The following EYS variants were observed in gnomAD, a reference collection of about 807,000 sequenced individuals.
EYS encodes protein eyes shut homolog.
In EYS, 250 loss-of-function variants were observed where a neutral mutation model predicts 282.1. The observed-to-expected ratio is 0.89, with a 90% CI of 0.80 to 0.98. EYS has a LOEUF of 0.98. Ranked by LOEUF, EYS falls within the 50% of genes least tolerant of loss-of-function variation. The probability of loss-of-function intolerance (pLI) is 0.00; values close to 1 mark genes in which losing one functional copy is unlikely to be tolerated. For missense variants in EYS, 4,016 were observed against 3,709.0 expected, an observed-to-expected ratio of 1.08 and a Z score of -2.15; for synonymous variants, 1,355 against 1,282.9, an observed-to-expected ratio of 1.06 and a Z score of -1.20.
chr6:64,970,891 T>C (rs1305215268), intron 14 of EYS, among the ~76,000 whole-genome samples: 7 of 152,278 alleles, frequency 4.6e-5, no homozygotes, highest in Non-Finnish European at 1.0e-4. Flanking sequence ...AAAGAAAATT[T>C]GTGACACCAT....
intron 22 of EYS, among the ~76,000 whole-genome samples, chr6:64,656,652 G>A (rs539299192): frequency 6.6e-6 from 1 of 152,226 alleles, no homozygotes; most frequent in East Asian, 1.9e-4. Flanking sequence ...ACACACTTCA[G>A]AATTATCCCA....
chr6:65,476,287 G>C (rs1249920271), intron 5 of EYS, among the ~76,000 whole-genome samples: 1 of 152,080 alleles, frequency 6.6e-6, no homozygotes, highest in South Asian at 2.1e-4. Context: ...TGCTATCAGA[G>C]TTGGTCTACC....
At position 63,967,970 on chromosome 6, in the gene EYS, T is replaced by TA. The variant is rs780498826; in HGVS notation, c.7055+16412dup. Among the ~76,000 whole-genome samples the TA allele has an allele frequency of 6.6e-5, 10 of 152,240 alleles. No individual in the cohort carries two copies. In the East Asian group the frequency reaches 1.4e-3, roughly 21 times the overall value. On this transcript the variant is annotated intron_variant, in intron 35 of 42. Coordinates refer to ENST00000503581, the MANE Select transcript of EYS (RefSeq NM_001142800.2). ...ATAGCTTTTAAGCAGCAGAGTAAGT[T>TA]AAAAAAATCACTCAACAGTGTTTGA...
intron 41 of EYS, among the ~76,000 whole-genome samples, chr6:63,736,881 C>T (rs1269582403): frequency 2.0e-5 from 3 of 152,074 alleles, no homozygotes; most frequent in African/African-American, 4.8e-5. Context: ...TGATTTGGCT[C>T]TCTGTTTGTC....
chr6:64,770,955 A>T (rs1336635419), intron 22 of EYS, among the ~76,000 whole-genome samples: 2 of 151,820 alleles, frequency 1.3e-5, no homozygotes, highest in Non-Finnish European at 2.9e-5. Context: ...ATTGCAATTC[A>T]AACAAGTCCA....
At chr6:65,261,333 A>AT (rs1264497476) in intron 12 of EYS, among the ~76,000 whole-genome samples, 1 of 151,908 alleles carries the variant, frequency 6.6e-6, no homozygotes, top group Non-Finnish European at 1.5e-5. Flanking sequence ...GTCTGATATA[A>AT]TTTTTACATC....
intron 10 of EYS, among the ~76,000 whole-genome samples, chr6:65,336,980 A>G (rs541051655): frequency 6.6e-5 from 10 of 151,512 alleles, no homozygotes; most frequent in African/African-American, 2.4e-4. Context: ...CTTTAAAATC[A>G]TTTCTCTGCA....
intron 22 of EYS, among the ~76,000 whole-genome samples, chr6:64,738,721 G>C (rs1264027707): frequency 1.3e-5 from 2 of 152,178 alleles, no homozygotes; most frequent in African/African-American, 4.8e-5. Flanking sequence ...ATGACAAGAT[G>C]AGAGAAAGGC....
At chr6:64,058,111 A>G (rs535977416) in intron 33 of EYS, among the ~76,000 whole-genome samples, 33 of 152,240 alleles carry the variant, frequency 2.2e-4, no homozygotes, top group African/African-American at 6.3e-4. Context: ...ATGATAGCAA[A>G]TAAGTCTCAG....
intron 1 of EYS, among the ~76,000 whole-genome samples, chr6:65,696,236 T>C (rs1769451622): frequency 6.6e-6 from 1 of 152,036 alleles, no homozygotes; most frequent in South Asian, 2.1e-4. Context: ...CTCAGAGATA[T>C]ATTTAAAAAT....
At chr6:63,951,046 A>G (rs1765572741) in intron 35 of EYS, among the ~76,000 whole-genome samples, 1 of 151,892 alleles carries the variant, frequency 6.6e-6, no homozygotes, top group South Asian at 2.1e-4. Flanking sequence ...CCTTAGTGTC[A>G]AGCACCACTT....
At chr6:63,844,355 C>T (rs545597667) in intron 36 of EYS, among the ~76,000 whole-genome samples, 33 of 152,074 alleles carry the variant, frequency 2.2e-4, no homozygotes, top group Non-Finnish European at 7.4e-5. Flanking sequence ...ATTTATTTTC[C>T]TTTTGGTATA....
intron 22 of EYS, among the ~76,000 whole-genome samples, chr6:64,636,552 A>T (rs1767987326): frequency 6.6e-6 from 1 of 152,158 alleles, no homozygotes; most frequent in African/African-American, 2.4e-5. Flanking sequence ...TGTCTAAAAC[A>T]CCAAAAGCAA....
intron 30 of EYS, among the ~76,000 whole-genome samples, chr6:64,233,549 A>G (rs1015099778): frequency 1.3e-5 from 2 of 152,212 alleles, no homozygotes; most frequent in Non-Finnish European, 1.5e-5. Context: ...TTAGCAATGT[A>G]AAAAAGGAAC....
intron 29 of EYS, among the ~76,000 whole-genome samples, chr6:64,313,705 C>T (rs10223677): frequency 0.66 from 100,828 of 151,836 alleles, 33,629 homozygotes; most frequent in South Asian, 0.71. Flanking sequence ...AGGGTGGGGA[C>T]CAATATTCAA....
chr6:63,803,610 G>A (rs1017293306), intron 37 of EYS, among the ~76,000 whole-genome samples: 1 of 152,200 alleles, frequency 6.6e-6, no homozygotes, highest in East Asian at 1.9e-4. Flanking sequence ...TTTGAACTGA[G>A]AATCCCTAAG....
intron 33 of EYS, among the ~76,000 whole-genome samples, chr6:64,056,103 T>C (rs957307528): frequency 6.6e-6 from 1 of 152,178 alleles, no homozygotes; most frequent in Non-Finnish European, 1.5e-5. Context: ...CTGGTGCAAC[T>C]ACTTTGCAAT....
intron 5 of EYS, among the ~76,000 whole-genome samples, chr6:65,422,410 C>T (rs1054113337): frequency 4.6e-5 from 7 of 151,828 alleles, no homozygotes; most frequent in Middle Eastern, 3.4e-3. Flanking sequence ...TGACATGTAG[C>T]AATAAACAGA....
intron 2 of EYS, among the ~76,000 whole-genome samples, chr6:65,574,269 AG>A (rs1306377063): frequency 5.3e-5 from 8 of 152,164 alleles, no homozygotes; most frequent in African/African-American, 1.7e-4. Context: ...GGTACAGGAA[AG>A]TCAAAGGTCT....
Sources: allele counts gnomAD v4.1 joint callset (sites outside exome capture counted in the v4.1 genomes callset), GRCh38; gene constraint gnomAD v4.1.1; transcripts MANE v1.5; gene names NCBI Gene and HGNC (gene_info 2026-07-23, HGNC 2026-07-21).